PCSK2: variants seen among roughly 807,000 people sequenced by gnomAD.
The protein encoded by PCSK2 is neuroendocrine convertase 2.
In PCSK2, 14 loss-of-function variants were observed where a neutral mutation model predicts 69.7. That is an observed-to-expected ratio of 0.20 (90% confidence interval 0.13 to 0.31). The LOEUF is 0.31. Ranked by LOEUF, PCSK2 falls within the 10% of genes least tolerant of loss-of-function variation. The probability of loss-of-function intolerance (pLI) is 1.00; values close to 1 mark genes in which losing one functional copy is unlikely to be tolerated. For missense variants in PCSK2, 544 were observed against 842.5 expected (o/e 0.65, Z 4.39); for synonymous variants, 307 against 320.7 (o/e 0.96, Z 0.46).
chr20:17,258,003 G>A (rs574423500), intron 1 of PCSK2, among the ~76,000 whole-genome samples: 12 of 152,216 alleles, frequency 7.9e-5, no homozygotes, highest in East Asian at 5.8e-4. Context: ...AATTCCCTGG[G>A]GAGTAGGACT....
intron 5 of PCSK2, among the ~76,000 whole-genome samples, chr20:17,381,874 G>A (rs2031095066): frequency 6.6e-6 from 1 of 152,156 alleles, no homozygotes; most frequent in South Asian, 2.1e-4. Flanking sequence ...GTAGAGGCCT[G>A]TGTGGTGACA....
At chr20:17,322,775 C>T (rs1482565636) in intron 2 of PCSK2, among the ~76,000 whole-genome samples, 1 of 152,204 alleles carries the variant, frequency 6.6e-6, no homozygotes, top group Non-Finnish European at 1.5e-5. Context: ...CTCTCTGATG[C>T]TTCTTTTATA....
chr20:17,405,408 A>G (rs1254172300), intron 5 of PCSK2, among the ~76,000 whole-genome samples: 1 of 152,178 alleles, frequency 6.6e-6, no homozygotes, highest in Non-Finnish European at 1.5e-5. Flanking sequence ...GAGCCTCAGA[A>G]GCTTCTCTGT....
intron 2 of PCSK2, among the ~76,000 whole-genome samples, chr20:17,305,948 C>T (rs867710109): frequency 2.0e-5 from 3 of 152,182 alleles, no homozygotes; most frequent in Non-Finnish European, 4.4e-5. Flanking sequence ...GTTAGGCATT[C>T]GCATTGTGAG....
intron 2 of PCSK2, among the ~76,000 whole-genome samples, chr20:17,347,786 A>T (rs1368791934): frequency 2.3e-5 from 3 of 129,338 alleles, no homozygotes; most frequent in Non-Finnish European, 3.2e-5. Flanking sequence ...AGACACATAG[A>T]CGAAAGAAAG....
chr20:17,387,199 C>T (rs1234651518), intron 5 of PCSK2, among the ~76,000 whole-genome samples: 3 of 152,150 alleles, frequency 2.0e-5, no homozygotes, highest in Non-Finnish European at 2.9e-5. Context: ...AGCAATATGC[C>T]TTCATGTTTT....
chr20:17,289,521 A>T (rs1211118926), intron 2 of PCSK2, among the ~76,000 whole-genome samples: 1 of 152,224 alleles, frequency 6.6e-6, no homozygotes, highest in Non-Finnish European at 1.5e-5. Flanking sequence ...ATTAATTTTT[A>T]AAAACTGAAA....
chr20:17,249,662 G>A (rs753025062), intron 1 of PCSK2, among the ~76,000 whole-genome samples: 6 of 152,144 alleles, frequency 3.9e-5, no homozygotes, highest in South Asian at 2.1e-4. Flanking sequence ...ATATTTAACC[G>A]TAAAAAGGAA....
At chr20:17,283,683 C>T (rs140291825) in intron 2 of PCSK2, among the ~76,000 whole-genome samples, 44 of 152,244 alleles carry the variant, frequency 2.9e-4, no homozygotes, top group Middle Eastern at 3.4e-3. Flanking sequence ...TTTTTTGAAA[C>T]GCAGTTAAGA....
chr20:17,440,461 TG>T (rs2032572629), intron 8 of PCSK2, among the ~76,000 whole-genome samples: 2 of 152,016 alleles, frequency 1.3e-5, no homozygotes, highest in South Asian at 2.1e-4. Context: ...CATCAGACAA[TG>T]GGTTGGACGG....
At position 17,302,821 on chromosome 20, in the gene PCSK2, CT is replaced by C. The variant is rs569868634; in HGVS notation, c.282+42481del. 1.1e-4 allele frequency among the ~76,000 whole-genome samples: 16 copies of C among 152,258 alleles called. No individual in the cohort carries two copies. In the South Asian group the frequency reaches 3.1e-3, roughly 30 times the overall value. On this transcript the variant is annotated intron_variant, in intron 2 of 11. Transcript: ENST00000262545. Reference sequence around the variant, plus strand: ...AGCATGGAAAGCTTCAGATCTCACCCTTTTCCCAATATGTTGTTGGTGTTGT... The same window carrying C: ...AGCATGGAAAGCTTCAGATCTCACCCTTTCCCAATATGTTGTTGGTGTTGT...
intron 11 of PCSK2, among the ~76,000 whole-genome samples, chr20:17,474,097 T>A (rs910445405): frequency 2.6e-5 from 4 of 152,040 alleles, no homozygotes; most frequent in Non-Finnish European, 4.4e-5. Flanking sequence ...GCTAAGGGGG[T>A]TTCAGTAGAT....
chr20:17,321,676 C>G (rs571866360), intron 2 of PCSK2, among the ~76,000 whole-genome samples: 45 of 152,308 alleles, frequency 3.0e-4, no homozygotes, highest in Non-Finnish European at 6.2e-4. Context: ...CCATAATTCA[C>G]TCTCAACTGC....
At chr20:17,330,407 C>A (rs1168830522) in intron 2 of PCSK2, among the ~76,000 whole-genome samples, 1 of 152,040 alleles carries the variant, frequency 6.6e-6, no homozygotes. Context: ...GCCTGACCAA[C>A]ATGGCGAAAC....
chr20:17,318,200 C>T (rs767049459), intron 2 of PCSK2, among the ~76,000 whole-genome samples: 5 of 152,244 alleles, frequency 3.3e-5, no homozygotes, highest in Non-Finnish European at 7.3e-5. Context: ...AGACAGAACA[C>T]TTCCAGCTCA....
At chr20:17,348,186 A>C (rs956444102) in intron 2 of PCSK2, among the ~76,000 whole-genome samples, 1 of 152,184 alleles carries the variant, frequency 6.6e-6, no homozygotes, top group East Asian at 1.9e-4. Flanking sequence ...GCAGATGGGG[A>C]CTTGTGTTGC....
At chr20:17,227,719 T>C (rs1222315056) in intron 1 of PCSK2, among the ~76,000 whole-genome samples, 3 of 152,178 alleles carry the variant, frequency 2.0e-5, no homozygotes, top group Admixed American at 2.0e-4. Context: ...TTTGACTTGA[T>C]GGCGAAAATA....
chr20:17,346,096 A>C (rs1158990945), intron 2 of PCSK2, among the ~76,000 whole-genome samples: 1 of 152,228 alleles, frequency 6.6e-6, no homozygotes, highest in African/African-American at 2.4e-5. Flanking sequence ...GAACTAGGCA[A>C]TCCAGACACA....
At chr20:17,345,594 G>C (rs1239532199) in intron 2 of PCSK2, among the ~76,000 whole-genome samples, 1 of 152,202 alleles carries the variant, frequency 6.6e-6, no homozygotes, top group African/African-American at 2.4e-5. Flanking sequence ...GCAGTCAGCA[G>C]ACTAGACTTG....
Sources: allele counts gnomAD v4.1 joint callset (sites outside exome capture counted in the v4.1 genomes callset), GRCh38; gene constraint gnomAD v4.1.1; transcripts MANE v1.5; gene names NCBI Gene and HGNC (gene_info 2026-07-23, HGNC 2026-07-21).